DDX50: variants seen among roughly 807,000 people sequenced by gnomAD.
The protein encoded by DDX50 is DExD-box helicase 50.
Under a neutral mutation model 94.8 loss-of-function variants are expected in DDX50, and 56 were observed. That is an observed-to-expected ratio of 0.59 (90% confidence interval 0.48 to 0.74). The LOEUF (loss-of-function observed/expected upper bound fraction) is 0.74, where lower values mean the gene tolerates loss of function less well. DDX50 is among the 30% of genes least tolerant of loss of function. DDX50 has a pLI of 0.00. For missense variants in DDX50, 713 were observed against 881.2 expected (o/e 0.81, Z 2.42); for synonymous variants, 264 against 295.4 (o/e 0.89, Z 1.09).
At chr10:68,929,893 C>A (rs956601146) in intron 8 of DDX50, among the ~76,000 whole-genome samples, 1 of 151,244 alleles carries the variant, frequency 6.6e-6, no homozygotes, top group African/African-American at 2.4e-5. Context: ...ACACCATACC[C>A]GGCTAATTTT....
chr10:68,908,886 TCCACCCACCTTGG>T (rs1375863984), intron 2 of DDX50, among the ~76,000 whole-genome samples: 18 of 152,166 alleles, frequency 1.2e-4, no homozygotes, highest in Non-Finnish European at 2.5e-4. Flanking sequence ...GCTCAAGTAA[TCCACCCACCTTGG>T]CCTCCCAAAG....
At chr10:68,909,287 T>C (rs1022591596) in intron 2 of DDX50, among the ~76,000 whole-genome samples, 4 of 152,218 alleles carry the variant, frequency 2.6e-5, no homozygotes, top group Non-Finnish European at 4.4e-5. Flanking sequence ...ACAATAAAGC[T>C]TACTGGGTAG....
In DDX50 at chr10:68,901,394, A is replaced by G; in HGVS notation, c.10A>G (p.Lys4Glu). 6.4e-7 allele frequency: 1 copy of G among 1,556,578 alleles called. No homozygotes were observed. Among genetic ancestry groups the G allele is most frequent in the Non-Finnish European group, 8.7e-7 (1 of 1,151,134 alleles). Residue 4 changes from lysine to glutamate, a missense_variant, in exon 1 of 15, where the codon AAA (lysine) becomes GAA (glutamate). Lys to Glu is a moderately conservative substitution (Grantham distance 56). Around this residue, in one of 2 missense-constraint regions of DDX50, gnomAD observed 285 missense variants for 278.9 expected, o/e 1.02. Coordinates refer to ENST00000373585, the MANE Select transcript of DDX50 (RefSeq NM_024045.2). ...GCGGCGGTGGCCAGTAATGCCTGGGAAACTCCTCTGGGGGGACATTATGGA... is the reference window on the plus strand; with the variant it reads ...GCGGCGGTGGCCAGTAATGCCTGGGGAACTCCTCTGGGGGGACATTATGGA... MPG[K>E]LLWGDIMELE... is the part of the protein sequence containing the mutation.
At chr10:68,935,020 C>A in intron 10 of DDX50, 102 bp downstream of exon 10, 1 of 1,397,220 alleles carries the variant, frequency 7.2e-7, no homozygotes, top group Non-Finnish European at 9.5e-7. Flanking sequence ...TAACTTTTCT[C>A]AGTTTAAGCT....
Position 68,909,618 on chromosome 10 carries a change from G to A in DDX50, c.385-689G>A, listed in dbSNP as rs114093325. On this transcript the variant is annotated intron_variant, in intron 2 of 14. Coordinates refer to ENST00000373585, the MANE Select transcript of DDX50 (RefSeq NM_024045.2). ...TGGCTGGGCATAATGGCTTATGCTTGTAATCCCAGCAGTTTGGAGGCCAAG... is the reference window on the plus strand; with the variant it reads ...TGGCTGGGCATAATGGCTTATGCTTATAATCCCAGCAGTTTGGAGGCCAAG... Among the ~76,000 whole-genome samples the A allele has an allele frequency of 1.3e-3, 193 of 151,778 alleles. 1 individual carries two copies. Among genetic ancestry groups the A allele is most frequent in the African/African-American group, 4.4e-3 (184 of 41,430 alleles).
At chr10:68,910,132 A>C (rs1002965141) in intron 2 of DDX50, among the ~76,000 whole-genome samples, 175 bp from the exon 3 acceptor site, 1 of 151,692 alleles carries the variant, frequency 6.6e-6, no homozygotes, top group African/African-American at 2.4e-5. Flanking sequence ...GGCCACAGTG[A>C]GCTGTGATGG....
At chr10:68,910,444 C>A in intron 3 of DDX50, 62 bp downstream of exon 3, 1 of 1,430,290 alleles carries the variant, frequency 7.0e-7, no homozygotes, top group Non-Finnish European at 9.5e-7. Flanking sequence ...GCTCTGTTGC[C>A]CAGGCTGGAG....
At chr10:68,941,749 C>T (rs71478871) in intron 13 of DDX50, among the ~76,000 whole-genome samples, 1 of 152,168 alleles carries the variant, frequency 6.6e-6, no homozygotes, top group African/African-American at 2.4e-5. Context: ...AAGCAGTTCT[C>T]CTGCCTCAGC....
intron 7 of DDX50, among the ~76,000 whole-genome samples, chr10:68,918,958 C>T (rs1024427570): frequency 2.6e-5 from 4 of 152,140 alleles, no homozygotes; most frequent in African/African-American, 9.7e-5. Context: ...TCTTACTGTG[C>T]CTTTTCTATG....
chr10:68,939,542 C>T (rs1305285411), intron 12 of DDX50, among the ~76,000 whole-genome samples: 1 of 152,168 alleles, frequency 6.6e-6, no homozygotes, highest in African/African-American at 2.4e-5. Flanking sequence ...TCACTCTCCC[C>T]TTTCTTATTT....
chr10:68,915,737 A>G (rs1439940284), intron 7 of DDX50, among the ~76,000 whole-genome samples: 1 of 151,902 alleles, frequency 6.6e-6, no homozygotes, highest in Non-Finnish European at 1.5e-5. Context: ...AAGAAAAAAG[A>G]ACTAAAGGTA....
chr10:68,927,873 T>G (rs923388577), intron 8 of DDX50, among the ~76,000 whole-genome samples: 1 of 152,192 alleles, frequency 6.6e-6, no homozygotes, highest in Non-Finnish European at 1.5e-5. Flanking sequence ...GGGATACTTT[T>G]GAGCTGGCCG....
chr10:68,907,317 C>CT (rs59316500), intron 2 of DDX50, among the ~76,000 whole-genome samples: 84,609 of 130,442 alleles, frequency 0.65, 27,692 homozygotes, highest in East Asian at 0.86. Context: ...TTTCTTTTTT[C>CT]TTTTTTTTTT....
chr10:68,909,000 G>GT (rs1180715767), intron 2 of DDX50, among the ~76,000 whole-genome samples: 4 of 151,722 alleles, frequency 2.6e-5, no homozygotes, highest in Non-Finnish European at 5.9e-5. Flanking sequence ...TTGTTTGTTT[G>GT]TTTTTTATAG....
Position 68,901,322 on chromosome 10 carries a change from C to T in DDX50, c.-63C>T, listed in dbSNP as rs1841277187. 6.9e-6 allele frequency: 10 copies of T among 1,450,580 alleles called. No individual in the cohort carries two copies. In the South Asian group the frequency reaches 1.1e-4, roughly 16 times the overall value. 89.9% of individuals were successfully genotyped at this position (1,450,580 alleles called of 1,614,324 possible). The stretch of plus-strand genomic sequence containing the variant: ...GCCGCCTTGCCCCCGCTTCCTTTCA[C>T]GCTGTCGCTGCCCGTAGGTGGTTGT... On this transcript the variant is annotated 5_prime_UTR_variant, in exon 1 of 15. The change creates a new upstream start codon in the 5' untranslated region. Transcript: ENST00000373585.
chr10:68,902,207 A>G (rs1841310588), intron 1 of DDX50, among the ~76,000 whole-genome samples: 1 of 151,584 alleles, frequency 6.6e-6, no homozygotes. Context: ...AAAAAAAAAA[A>G]AAAAGGAAAA....
chr10:68,930,993 C>T (rs909989136), intron 8 of DDX50, among the ~76,000 whole-genome samples: 2 of 152,110 alleles, frequency 1.3e-5, no homozygotes, highest in South Asian at 2.1e-4. Flanking sequence ...AACTCCTACT[C>T]ATCCTTCAGA....
chr10:68,932,547 A>G (rs1842300271), intron 8 of DDX50, among the ~76,000 whole-genome samples: 1 of 152,200 alleles, frequency 6.6e-6, no homozygotes, highest in Non-Finnish European at 1.5e-5. Flanking sequence ...GGCATGAGCC[A>G]CTGAGCCTGG....
chr10:68,927,768 C>A (rs1052697564), intron 8 of DDX50, among the ~76,000 whole-genome samples: 1 of 152,078 alleles, frequency 6.6e-6, no homozygotes, highest in Non-Finnish European at 1.5e-5. Flanking sequence ...GTGGGCATTT[C>A]ATTTATATAG....
Sources: allele counts gnomAD v4.1 joint callset (sites outside exome capture counted in the v4.1 genomes callset), GRCh38; gene constraint gnomAD v4.1.1; regional missense constraint gnomAD v4.1.1; transcripts MANE v1.5; gene names NCBI Gene and HGNC (gene_info 2026-07-23, HGNC 2026-07-21).